TSHZ2: variants seen among roughly 807,000 people sequenced by gnomAD.
TSHZ2 encodes the protein teashirt zinc finger homeobox 2, also known as teashirt homolog 2.
In TSHZ2, 21 loss-of-function variants were observed where a neutral mutation model predicts 74.4. That is an observed-to-expected ratio of 0.28 (90% CI 0.20 to 0.41). The LOEUF (loss-of-function observed/expected upper bound fraction) is 0.41. Among genes scored for constraint, TSHZ2 ranks in the 10% least tolerant of loss-of-function variants. The probability of loss-of-function intolerance (pLI) is 1.00; values close to 1 mark genes in which losing one functional copy is unlikely to be tolerated. For missense variants in TSHZ2, 1,244 were observed against 1,293.5 expected (o/e 0.96, Z 0.59); for synonymous variants, 540 against 515.3 (o/e 1.05, Z -0.65).
chr20:53,288,910 C>T (rs943281970), intron 2 of TSHZ2, among the ~76,000 whole-genome samples: 1 of 152,066 alleles, frequency 6.6e-6, no homozygotes, highest in Non-Finnish European at 1.5e-5. Context: ...TTTCAGTGCA[C>T]CCATCACCTG....
intron 2 of TSHZ2, among the ~76,000 whole-genome samples, chr20:53,439,764 T>A (rs953922402): frequency 3.3e-5 from 5 of 152,228 alleles, no homozygotes; most frequent in Non-Finnish European, 7.3e-5. Flanking sequence ...CCCCCCTTGT[T>A]TTCAAACTGA....
chr20:53,101,941 G>C (rs1362130417), intron 1 of TSHZ2, among the ~76,000 whole-genome samples: 2 of 149,294 alleles, frequency 1.3e-5, no homozygotes, highest in African/African-American at 4.9e-5. Context: ...TTTGGGGAGC[G>C]TCTTTTGAAA....
chr20:53,415,721 ATG>A (rs372533731), intron 2 of TSHZ2, among the ~76,000 whole-genome samples: 1 of 388 alleles, frequency 2.6e-3, no homozygotes, highest in African/African-American at 9.3e-3. Flanking sequence ...CATATTATAT[ATG>A]TGTGTGCCTG....
intron 2 of TSHZ2, among the ~76,000 whole-genome samples, chr20:53,441,370 A>G (rs1984319238): frequency 1.3e-5 from 2 of 151,368 alleles, no homozygotes; most frequent in African/African-American, 4.9e-5. Context: ...GGTTCCCGCC[A>G]TTCTCCTGCC....
chr20:53,364,119 T>C (rs2145609713), intron 2 of TSHZ2, among the ~76,000 whole-genome samples: 1 of 151,864 alleles, frequency 6.6e-6, no homozygotes. Flanking sequence ...CAGGGATAAA[T>C]GGCAACAGAC....
chr20:53,161,010 G>A (rs879063726), intron 1 of TSHZ2, among the ~76,000 whole-genome samples: 1 of 143,694 alleles, frequency 7.0e-6, no homozygotes, highest in African/African-American at 2.8e-5. Flanking sequence ...AAATACAGAG[G>A]GGAAAGAAAC....
intron 1 of TSHZ2, among the ~76,000 whole-genome samples, chr20:53,072,598 A>G (rs1274402412): frequency 1.3e-5 from 2 of 152,216 alleles, no homozygotes; most frequent in East Asian, 3.9e-4. Context: ...AGCCCATAAA[A>G]TTGATAAACT....
chr20:53,159,217 T>C (rs1987868830), intron 1 of TSHZ2, among the ~76,000 whole-genome samples: 1 of 152,232 alleles, frequency 6.6e-6, no homozygotes, highest in South Asian at 2.1e-4. Flanking sequence ...TGTACCACCC[T>C]AGTTTCCAGA....
At chr20:53,434,455 T>C (rs1007921438) in intron 2 of TSHZ2, among the ~76,000 whole-genome samples, 8 of 152,174 alleles carry the variant, frequency 5.3e-5, no homozygotes, top group African/African-American at 1.9e-4. Flanking sequence ...AGTCTACCAG[T>C]ACTGCAAGAC....
intron 1 of TSHZ2, among the ~76,000 whole-genome samples, chr20:53,041,464 G>C (rs6022245): frequency 6.6e-6 from 1 of 152,196 alleles, no homozygotes; most frequent in Non-Finnish European, 1.5e-5. Flanking sequence ...TCTCTGATCC[G>C]CCAGTTCTGG....
chr20:53,489,067 A>AG lies in TSHZ2; in HGVS notation c.*1933dup, dbSNP rs770015015. On this transcript the variant is annotated 3_prime_UTR_variant, in exon 3 of 3. Transcript: ENST00000371497. ...ATCGGATTGAGATGGCAGTCGAAAT[A>AG]GCTTCATTGAAGTGTCAGCACTCAT... The AG allele has an allele frequency of 2.2e-6, 1 of 456,312 alleles. No individual in the cohort carries two copies. Among genetic ancestry groups the AG allele is most frequent in the South Asian group, 1.5e-5 (1 of 64,574 alleles). The allele number at this position is 456,312 out of a possible 1,614,324, so 28.3% of individuals were successfully genotyped here.
chr20:53,489,750 C>T lies in TSHZ2; in HGVS notation c.*2615C>T, dbSNP rs974066467. On this transcript the variant is annotated 3_prime_UTR_variant, in exon 3 of 3. Coordinates refer to ENST00000371497, the MANE Select transcript of TSHZ2 (RefSeq NM_173485.6). ...CGCCTGGCAACCGTGCATGTCACTG[C>T]CGAGGGATGGCTGCTAAGGTTCACC... The T allele has an allele frequency of 6.4e-6, 1 of 155,176 alleles. No homozygotes were observed. Among genetic ancestry groups the T allele is most frequent in the Non-Finnish European group, 1.4e-5 (1 of 70,010 alleles). 9.6% of individuals were successfully genotyped at this position (155,176 alleles called of 1,614,324 possible).
At chr20:52,998,638 G>C (rs1480255946) in intron 1 of TSHZ2, among the ~76,000 whole-genome samples, 1 of 152,138 alleles carries the variant, frequency 6.6e-6, no homozygotes, top group African/African-American at 2.4e-5. Flanking sequence ...TCTTTTCAGG[G>C]TTACAATTCT....
chr20:53,154,054 C>T (rs2123447164), intron 1 of TSHZ2, among the ~76,000 whole-genome samples: 1 of 152,316 alleles, frequency 6.6e-6, no homozygotes, highest in East Asian at 1.9e-4. Flanking sequence ...AAAAGGCCAG[C>T]CCAACTTAAG....
intron 1 of TSHZ2, among the ~76,000 whole-genome samples, chr20:53,211,523 T>G (rs998710629): frequency 1.3e-5 from 2 of 150,366 alleles, no homozygotes; most frequent in African/African-American, 2.5e-5. Flanking sequence ...AAAAAAAAAG[T>G]AAACATTGAT....
chr20:53,256,356 G>T lies in TSHZ2; in HGVS notation c.2898G>T (p.Lys966Asn). 6 of 1,613,436 alleles carry T rather than the reference G, an allele frequency of 3.7e-6. No homozygotes were observed. The highest frequency in any genetic ancestry group is 5.1e-6 in the Non-Finnish European group (6 of 1,179,414). The change falls in exon 2 of 3, where the codon AAG (lysine) becomes AAT (asparagine). Residue 966 changes from lysine (K) to asparagine (N), a missense_variant. Coordinates refer to ENST00000371497, the MANE Select transcript of TSHZ2 (RefSeq NM_173485.6). This position sits in a 1 kb window ranked among gnomAD's most constrained non-coding sequence, Gnocchi z 4.3. ...MTRLSVDQQS[K>N]VEQEISRVSS... ...GCTTGTCAGTGGACCAGCAAAGCAAGGTGGAGCAAGAGATCTCCCGGGTAT... is the reference window on the plus strand; with the variant it reads ...GCTTGTCAGTGGACCAGCAAAGCAATGTGGAGCAAGAGATCTCCCGGGTAT...
chr20:53,201,892 C>T (rs756681945), intron 1 of TSHZ2, among the ~76,000 whole-genome samples: 2 of 152,130 alleles, frequency 1.3e-5, no homozygotes, highest in African/African-American at 2.4e-5. Flanking sequence ...GCCAAATGTG[C>T]CCTGGCTGAC....
At chr20:53,009,744 T>C (rs563831230) in intron 1 of TSHZ2, among the ~76,000 whole-genome samples, 2 of 152,250 alleles carry the variant, frequency 1.3e-5, no homozygotes, top group South Asian at 2.1e-4. Flanking sequence ...TTTTCAGATA[T>C]CTTGTTGAAG....
intron 1 of TSHZ2, among the ~76,000 whole-genome samples, chr20:53,075,839 A>C (rs543867693): frequency 3.3e-5 from 5 of 152,300 alleles, no homozygotes; most frequent in Admixed American, 2.0e-4. Flanking sequence ...ACTGGGGACC[A>C]TGGGAAGGAG....
Sources: gnomAD v4.1 joint callset for allele counts (sites outside exome capture counted in the v4.1 genomes callset) on GRCh38, gnomAD v4.1.1 for gene constraint, Gnocchi (gnomAD v3.1) non-coding constraint, MANE v1.5 for transcripts, NCBI Gene and HGNC (gene_info 2026-07-23, HGNC 2026-07-21) for gene names.